STX8: variants seen among roughly 807,000 people sequenced by gnomAD.
STX8 encodes syntaxin-8.
STX8 carries 23 observed loss-of-function variants against 37.5 expected under a neutral mutation model. That is an observed-to-expected ratio of 0.61 (90% CI 0.44 to 0.87). The LOEUF (loss-of-function observed/expected upper bound fraction) is 0.87, where lower values mean the gene tolerates loss of function less well. Among genes scored for constraint, STX8 ranks in the 40% least tolerant of loss-of-function variants. The probability of loss-of-function intolerance (pLI) is 0.00; values close to 1 mark genes in which losing one functional copy is unlikely to be tolerated. For synonymous variants in STX8, 115 were observed against 99.1 expected, an observed-to-expected ratio of 1.16 and a Z score of -0.95; for missense variants, 313 against 284.7, an observed-to-expected ratio of 1.10 and a Z score of -0.71.
chr17:9,265,123 G>GAAAAA (rs61526336), intron 7 of STX8, among the ~76,000 whole-genome samples: 9 of 72,476 alleles, frequency 1.2e-4, no homozygotes, highest in South Asian at 5.3e-4. Context: ...AGTCTGAAAA[G>GAAAAA]AAAAAAAAAA....
At chr17:9,332,744 T>A (rs993732544) in intron 7 of STX8, among the ~76,000 whole-genome samples, 4 of 152,230 alleles carry the variant, frequency 2.6e-5, no homozygotes, top group African/African-American at 9.6e-5. Flanking sequence ...TTGGTAATTA[T>A]TACATTTATG....
At chr17:9,490,809 A>C (rs2142474707) in intron 6 of STX8, among the ~76,000 whole-genome samples, 1 of 152,342 alleles carries the variant, frequency 6.6e-6, no homozygotes, top group East Asian at 1.9e-4. Flanking sequence ...TCACGTTAGA[A>C]TCAGAAGACC....
At chr17:9,261,567 A>G (rs993302439) in intron 7 of STX8, among the ~76,000 whole-genome samples, 1 of 152,102 alleles carries the variant, frequency 6.6e-6, no homozygotes, top group Admixed American at 6.5e-5. Context: ...CTCTGCCGCT[A>G]TTGTCGCTTC....
intron 6 of STX8, among the ~76,000 whole-genome samples, chr17:9,382,188 C>T (rs1427286529): frequency 1.3e-5 from 2 of 151,950 alleles, no homozygotes; most frequent in Middle Eastern, 3.2e-3. Context: ...CACACACACA[C>T]ACACACACAT....
intron 6 of STX8, among the ~76,000 whole-genome samples, chr17:9,472,530 T>A (rs1248615138): frequency 1.3e-5 from 2 of 152,208 alleles, no homozygotes; most frequent in African/African-American, 4.8e-5. Flanking sequence ...AGGGCCAAAG[T>A]GGCAAGAGGT....
At chr17:9,539,943 G>A (rs776822162) in intron 4 of STX8, among the ~76,000 whole-genome samples, 2 of 152,144 alleles carry the variant, frequency 1.3e-5, no homozygotes, top group African/African-American at 4.8e-5. Flanking sequence ...GGATACAATC[G>A]AATTGTAATT....
chr17:9,488,347 G>C (rs951944321), intron 6 of STX8, among the ~76,000 whole-genome samples: 1 of 150,416 alleles, frequency 6.6e-6, no homozygotes, highest in East Asian at 1.9e-4. Flanking sequence ...AAATTACTGT[G>C]GTAGACAGAA....
chr17:9,397,442 G>A (rs1386039866), intron 6 of STX8, among the ~76,000 whole-genome samples: 1 of 152,130 alleles, frequency 6.6e-6, no homozygotes, highest in African/African-American at 2.4e-5. Flanking sequence ...ATGAATAGCA[G>A]ATAGTGGGAG....
At chr17:9,471,245 G>C (rs533797008) in intron 6 of STX8, among the ~76,000 whole-genome samples, 37 of 141,824 alleles carry the variant, frequency 2.6e-4, no homozygotes, top group Non-Finnish European at 3.3e-4. Context: ...TCCGCCTCCC[G>C]GGTTCAAGCA....
chr17:9,525,368 A>C (rs1342723097), intron 4 of STX8, among the ~76,000 whole-genome samples: 1 of 148,202 alleles, frequency 6.7e-6, no homozygotes, highest in Non-Finnish European at 1.5e-5. Flanking sequence ...TTTTTTTGAG[A>C]CGGAGTCTCA....
intron 7 of STX8, among the ~76,000 whole-genome samples, chr17:9,314,466 C>T (rs537169786): frequency 1.8e-4 from 28 of 152,040 alleles, no homozygotes; most frequent in African/African-American, 5.5e-4. Context: ...GATATGATCT[C>T]GGCTCACTGC....
intron 6 of STX8, among the ~76,000 whole-genome samples, chr17:9,425,919 A>G (rs1913608602): frequency 6.6e-6 from 1 of 152,144 alleles, no homozygotes. Context: ...TCTCTCTTGC[A>G]CGCACGTATG....
intron 6 of STX8, among the ~76,000 whole-genome samples, chr17:9,380,766 T>C (rs1160916885): frequency 2.2e-5 from 3 of 139,072 alleles, no homozygotes; most frequent in Non-Finnish European, 4.5e-5. Context: ...CAGGCTGGAG[T>C]GCAGTGGTGT....
At chr17:9,338,635 G>A (rs567434789) in intron 7 of STX8, among the ~76,000 whole-genome samples, 4 of 152,202 alleles carry the variant, frequency 2.6e-5, no homozygotes, top group Non-Finnish European at 5.9e-5. Flanking sequence ...CTCTTCTACT[G>A]ATACAGCATA....
chr17:9,351,842 T>C (rs1307145320), intron 7 of STX8, among the ~76,000 whole-genome samples: 2 of 152,148 alleles, frequency 1.3e-5, no homozygotes, highest in African/African-American at 4.8e-5. Flanking sequence ...CAGTAGGTGA[T>C]GTTGTGTTAA....
rs66741519 is a variant in STX8, at chr17:9,571,599, C to CA, written c.18-3130dup. On this transcript the variant is annotated intron_variant, in intron 1 of 7. Transcript: ENST00000306357. ...GGGGGACAAGAGCAAGACTTTGTCT[C>CA]AAAAAAAAAAAAAAAAAAAAGTAAT... Among the ~76,000 whole-genome samples the CA allele has an allele frequency of 2.4e-3, 236 of 99,820 alleles. 1 individual carries two copies. Among genetic ancestry groups the CA allele is most frequent in the African/African-American group, 8.2e-3 (203 of 24,742 alleles). 65.5% of individuals were successfully genotyped at this position (99,820 alleles called of 152,430 possible).
intron 6 of STX8, among the ~76,000 whole-genome samples, chr17:9,449,879 G>A (rs1904979602): frequency 2.0e-5 from 3 of 151,838 alleles, no homozygotes; most frequent in Non-Finnish European, 4.4e-5. Context: ...AGTAACTTGG[G>A]AGGCTGAGGC....
chr17:9,279,069 T>TTTTTTG (rs1491433082), intron 7 of STX8, among the ~76,000 whole-genome samples: 1 of 20,192 alleles, frequency 5.0e-5, no homozygotes, highest in Non-Finnish European at 1.0e-4. Context: ...TTGTTTTTTG[T>TTTTTTG]TTTTTTTTTT....
rs1567544652 is a variant in STX8 at position 9,400,417 on chromosome 17, T to TTA, written c.542-21765_542-21764insTA. Among the ~76,000 whole-genome samples, 437 of 150,692 alleles carry TTA rather than the reference T, an allele frequency of 2.9e-3. 3 individuals are homozygous for TTA. Among genetic ancestry groups the TTA allele is most frequent in the African/African-American group, 0.01 (425 of 40,834 alleles). ...ACCAGGCTTATTTATTTATTTTTTTTTTTTTGAGATGGAGTCTCGCGCTGT... is the reference window on the plus strand; with the variant it reads ...ACCAGGCTTATTTATTTATTTTTTTTTATTTTTGAGATGGAGTCTCGCGCTGT... On this transcript the variant is annotated intron_variant, in intron 6 of 7. Coordinates refer to ENST00000306357, the MANE Select transcript of STX8 (RefSeq NM_004853.3).
Sources: gnomAD v4.1 joint callset for allele counts (sites outside exome capture counted in the v4.1 genomes callset) on GRCh38, gnomAD v4.1.1 for gene constraint, MANE v1.5 for transcripts, NCBI Gene and HGNC (gene_info 2026-07-23, HGNC 2026-07-21) for gene names.